The following MTUS2 variants were observed in gnomAD, a reference collection of about 807,000 sequenced individuals.
The protein encoded by MTUS2 is microtubule associated scaffold protein 2.
In MTUS2, 40 loss-of-function variants were observed where a neutral mutation model predicts 114.1. That is an observed-to-expected ratio of 0.35 (90% CI 0.27 to 0.46). The LOEUF (loss-of-function observed/expected upper bound fraction) is 0.46. Ranked by LOEUF, MTUS2 falls within the 20% of genes least tolerant of loss-of-function variation. The probability of loss-of-function intolerance (pLI) is 1.00; values close to 1 mark genes in which losing one functional copy is unlikely to be tolerated. For synonymous variants in MTUS2, 688 were observed against 672.0 expected (o/e 1.02, Z -0.37); for missense variants, 1,679 against 1,705.4 (o/e 0.98, Z 0.27).
chr13:29,092,931 A>G (rs1276965555), intron 4 of MTUS2, among the ~76,000 whole-genome samples: 2 of 152,154 alleles, frequency 1.3e-5, no homozygotes, highest in African/African-American at 4.8e-5. Flanking sequence ...TTTTATTATC[A>G]TTATGGAGTG....
chr13:29,494,824 A>G (rs1882420411), intron 12 of MTUS2, among the ~76,000 whole-genome samples: 1 of 152,088 alleles, frequency 6.6e-6, no homozygotes, highest in Non-Finnish European at 1.5e-5. Context: ...AGATCACCTG[A>G]GGTCAGGACT....
At position 29,026,045 on chromosome 13, in the gene MTUS2, C is replaced by A. The variant is rs763821793; in HGVS notation, c.1347C>A (p.Pro449=). The part of the protein sequence containing the change: ...FIPNNLTDSK[P]LDVIEEERRL... ...CTAATAATCTGACTGACAGCAAGCCCTTGGATGTCATTGAGGAGGAAAGGC... is the reference window on the plus strand; with the variant it reads ...CTAATAATCTGACTGACAGCAAGCCATTGGATGTCATTGAGGAGGAAAGGC... Residue 449 remains proline (P), a synonymous_variant, in exon 3 of 16, where the codon CCC becomes CCA. Coordinates refer to ENST00000612955, the MANE Select transcript of MTUS2 (RefSeq NM_001033602.4). The A allele has an allele frequency of 6.2e-7, 1 of 1,613,956 alleles. No individual in the cohort carries two copies. Among genetic ancestry groups the A allele is most frequent in the East Asian group, 2.2e-5 (1 of 44,884 alleles).
At chr13:29,357,838 A>T (rs1869878233) in intron 7 of MTUS2, among the ~76,000 whole-genome samples, 1 of 152,204 alleles carries the variant, frequency 6.6e-6, no homozygotes, top group Admixed American at 6.5e-5. Flanking sequence ...ACTTTTTAGG[A>T]GGAGAAGGAA....
At chr13:29,286,480 A>G (rs1898485536) in intron 6 of MTUS2, among the ~76,000 whole-genome samples, 1 of 152,194 alleles carries the variant, frequency 6.6e-6, no homozygotes, top group East Asian at 1.9e-4. Context: ...ATATAATAGC[A>G]TGGTAAAATG....
chr13:29,198,818 TC>T lies in MTUS2; in HGVS notation c.2645-82885del, dbSNP rs1261757426. Among the ~76,000 whole-genome samples the T allele has an allele frequency of 2.6e-5, 4 of 152,284 alleles. No homozygotes were observed. The East Asian group carries it at 7.7e-4, about 29-fold the overall frequency. ...AGTTGTCTTCCTAGGTATTTTTTTC[TC>T]TTTGTAGCAATTGTGAATGGGAGTT... On this transcript the variant is annotated intron_variant, in intron 5 of 15. Transcript: ENST00000612955.
chr13:29,401,534 C>A (rs1266854700), intron 8 of MTUS2, among the ~76,000 whole-genome samples: 1 of 152,114 alleles, frequency 6.6e-6, no homozygotes, highest in African/African-American at 2.4e-5. Flanking sequence ...TATTTTGGTG[C>A]ATGACTTGAG....
intron 6 of MTUS2, among the ~76,000 whole-genome samples, chr13:29,315,298 A>G (rs911429052): frequency 6.6e-6 from 1 of 152,194 alleles, no homozygotes; most frequent in African/African-American, 2.4e-5. Flanking sequence ...CATATTTTCA[A>G]GTAGCTAGAA....
intron 6 of MTUS2, among the ~76,000 whole-genome samples, chr13:29,315,690 G>A (rs1394093472): frequency 6.6e-6 from 1 of 152,126 alleles, no homozygotes; most frequent in East Asian, 1.9e-4. Context: ...TGTTGTCTCT[G>A]TGAAATGAGA....
Position 29,025,264 on chromosome 13 carries a change from G to C in MTUS2, c.566G>C (p.Ser189Thr), listed in dbSNP as rs745986967. Residue 189 changes from serine (S) to threonine (T), a missense_variant, in exon 3 of 16, where the codon AGC becomes ACC. Transcript: ENST00000612955. ...RASSSVAAVG[S>T]LTPQHPQPLS... is the part of the protein sequence containing the mutation. ...AGCAGCTCTGTAGCTGCAGTCGGGA[G>C]CCTGACTCCGCAGCATCCACAGCCT... The C allele has an allele frequency of 6.2e-7, 1 of 1,613,958 alleles. No homozygotes were observed. Among genetic ancestry groups the C allele is most frequent in the Non-Finnish European group, 8.5e-7 (1 of 1,179,882 alleles).
intron 2 of MTUS2, among the ~76,000 whole-genome samples, chr13:28,995,849 C>T (rs548909931): frequency 6.3e-4 from 96 of 152,274 alleles, no homozygotes; most frequent in African/African-American, 2.1e-3. Flanking sequence ...CAAACTGGGA[C>T]AATTTCACTT....
chr13:29,497,201 G>A, intron 12 of MTUS2, 37 bp from the exon 13 acceptor site: 1 of 1,582,836 alleles, frequency 6.3e-7, no homozygotes, highest in South Asian at 1.1e-5. Flanking sequence ...GCTGTCTGTA[G>A]TGGCCCCAGC....
At chr13:29,468,935 G>A (rs950435249) in intron 9 of MTUS2, among the ~76,000 whole-genome samples, 1 of 152,112 alleles carries the variant, frequency 6.6e-6, no homozygotes, top group Non-Finnish European at 1.5e-5. Context: ...GGCCCATTTT[G>A]GAAGGAAATT....
chr13:29,005,568 T>C (rs773319233), intron 2 of MTUS2, among the ~76,000 whole-genome samples: 15 of 152,004 alleles, frequency 9.9e-5, no homozygotes, highest in Non-Finnish European at 1.6e-4. Context: ...AAATAACCAA[T>C]GGCAGTAAGC....
chr13:29,214,925 A>G (rs1895615026), intron 5 of MTUS2, among the ~76,000 whole-genome samples: 2 of 152,070 alleles, frequency 1.3e-5, no homozygotes, highest in African/African-American at 4.8e-5. Context: ...AGGTTGAGGA[A>G]GTTCTCCTGG....
intron 2 of MTUS2, among the ~76,000 whole-genome samples, chr13:29,018,132 T>G (rs1886142982): frequency 6.6e-6 from 1 of 152,218 alleles, no homozygotes; most frequent in Non-Finnish European, 1.5e-5. Flanking sequence ...TGGACTTTGA[T>G]GCTTAGAGTC....
rs568153044 is a variant in MTUS2 at position 29,469,432 on chromosome 13, C to A, written c.3185-10718C>A. Among the ~76,000 whole-genome samples the A allele has an allele frequency of 8.7e-4, 132 of 152,136 alleles. 1 individual carries two copies. The highest frequency in any genetic ancestry group is 5.9e-4 in the Non-Finnish European group (40 of 68,000). ...TCACGAGGTCAGGAGTGGAGACCAT[C>A]CTGGCTAATGCAGTGAAACCCTGTC... On this transcript the variant is annotated intron_variant, in intron 9 of 15. Coordinates refer to ENST00000612955, the MANE Select transcript of MTUS2 (RefSeq NM_001033602.4).
chr13:29,062,174 C>A (rs1039640910), intron 4 of MTUS2, among the ~76,000 whole-genome samples: 2 of 152,000 alleles, frequency 1.3e-5, no homozygotes, highest in African/African-American at 4.8e-5. Flanking sequence ...TTGGTAGAGA[C>A]GGGGTTTCAC....
intron 2 of MTUS2, among the ~76,000 whole-genome samples, chr13:28,907,253 C>T (rs1033440905): frequency 3.3e-5 from 5 of 151,604 alleles, no homozygotes; most frequent in African/African-American, 4.9e-5. Context: ...CTGAAGGAAG[C>T]AGTAAACATG....
chr13:28,953,639 C>T (rs979975275), intron 2 of MTUS2, among the ~76,000 whole-genome samples: 5 of 152,048 alleles, frequency 3.3e-5, no homozygotes, highest in African/African-American at 1.2e-4. Flanking sequence ...TCCATATAGC[C>T]AAATATGTAT....
Sources: allele counts gnomAD v4.1 joint callset (sites outside exome capture counted in the v4.1 genomes callset), GRCh38; gene constraint gnomAD v4.1.1; transcripts MANE v1.5; gene names NCBI Gene and HGNC (gene_info 2026-07-23, HGNC 2026-07-21).